The following DYM variants were observed in gnomAD, a reference collection of about 807,000 sequenced individuals.
DYM encodes dymeclin.
In DYM, 78 loss-of-function variants were observed where a neutral mutation model predicts 93.1. The ratio of observed to expected loss-of-function variants is 0.84; its 90% CI spans 0.70 to 1.01. The LOEUF is 1.01. Ranked by LOEUF, DYM falls within the 50% of genes least tolerant of loss-of-function variation. DYM has a pLI of 0.00. For missense variants in DYM, 789 were observed against 845.0 expected (o/e 0.93, Z 0.82); for synonymous variants, 321 against 319.7 (o/e 1.00, Z -0.04).
chr18:49,078,322 A>T (rs1380476542), intron 17 of DYM, among the ~76,000 whole-genome samples: 2 of 152,072 alleles, frequency 1.3e-5, no homozygotes, highest in South Asian at 2.1e-4. Flanking sequence ...TGCTTATTTC[A>T]CGTTGCATGC....
intron 17 of DYM, among the ~76,000 whole-genome samples, chr18:49,057,191 G>A (rs1341577368): frequency 2.6e-5 from 4 of 152,166 alleles, no homozygotes; most frequent in Non-Finnish European, 5.9e-5. Flanking sequence ...CTTATGAAGG[G>A]AGCAGTTTCA....
intron 5 of DYM, among the ~76,000 whole-genome samples, chr18:49,378,352 C>T (rs542218178): frequency 1.3e-5 from 2 of 152,232 alleles, no homozygotes; most frequent in Admixed American, 1.3e-4. Flanking sequence ...ACCCCACCAG[C>T]TTTCTTATTT....
intron 6 of DYM, among the ~76,000 whole-genome samples, chr18:49,355,218 C>T (rs537428708): frequency 6.6e-6 from 1 of 151,670 alleles, no homozygotes; most frequent in African/African-American, 2.4e-5. Context: ...GATCAATAAA[C>T]TTATAGATAC....
rs376966972 is a variant in DYM at position 49,328,742 on chromosome 18, C to G, written c.763+3122G>C. Among the ~76,000 whole-genome samples the G allele has an allele frequency of 1.6e-4, 24 of 152,306 alleles. 1 individual carries two copies. In the East Asian group the frequency reaches 3.9e-3, roughly 24 times the overall value. On this transcript the variant is annotated intron_variant, in intron 8 of 17. Coordinates refer to ENST00000675505, the MANE Select transcript of DYM (RefSeq NM_001353214.3). The stretch of plus-strand genomic sequence containing the variant: ...TCAAAACCACAATGAGATACCATCT[C>G]ATACCAGTTAGAATGGCAATCATTG...
chr18:49,145,130 T>TAC (rs2084963760), intron 15 of DYM, among the ~76,000 whole-genome samples: 1 of 114,738 alleles, frequency 8.7e-6, no homozygotes, highest in African/African-American at 3.6e-5. Flanking sequence ...TATATATATA[T>TAC]ATATAATTTA....
chr18:49,253,881 G>A lies in DYM; in HGVS notation c.1460+3129C>T, dbSNP rs562201990. Among the ~76,000 whole-genome samples, 4 of 151,840 alleles carry A rather than the reference G, an allele frequency of 2.6e-5. No individual in the cohort carries two copies. In the East Asian group the frequency reaches 7.7e-4, roughly 29 times the overall value. On this transcript the variant is annotated intron_variant, in intron 13 of 17. Transcript: ENST00000675505. Reference sequence around the variant, plus strand: ...ACCTTCTTTTCTCTCCATTCCTTTCGATTATTCTAAACTGTGAGTCCAACC... The same window carrying A: ...ACCTTCTTTTCTCTCCATTCCTTTCAATTATTCTAAACTGTGAGTCCAACC...
intron 15 of DYM, among the ~76,000 whole-genome samples, chr18:49,146,403 T>C (rs1186432305): frequency 2.0e-5 from 3 of 152,192 alleles, no homozygotes; most frequent in African/African-American, 7.2e-5. Flanking sequence ...GGAAGTCAAA[T>C]TGTCCCTGTT....
intron 8 of DYM, among the ~76,000 whole-genome samples, chr18:49,295,913 CTTATTTATTTAT>C (rs113289427): frequency 1.3e-5 from 2 of 151,244 alleles, no homozygotes; most frequent in Non-Finnish European, 2.9e-5. Context: ...CAAAACCGTT[CTTATTTATTTAT>C]TTATTTATTT....
At chr18:49,394,347 C>G (rs2069772434) in intron 2 of DYM, among the ~76,000 whole-genome samples, 1 of 151,986 alleles carries the variant, frequency 6.6e-6, no homozygotes, top group South Asian at 2.1e-4. Flanking sequence ...GTGCCTGGCA[C>G]AAAGTAAGTC....
Position 49,424,098 on chromosome 18 carries a change from C to A in DYM, c.140+6157G>T, listed in dbSNP as rs150319714. ...AGCCTGGCAGAGACACAACCAAAAA[C>A]GACAATTTTAGACCAATATCCCTGA... On this transcript the variant is annotated intron_variant, in intron 2 of 17. Coordinates refer to ENST00000675505, the MANE Select transcript of DYM (RefSeq NM_001353214.3). Among the ~76,000 whole-genome samples the A allele has an allele frequency of 2.0e-4, 31 of 151,874 alleles. No homozygotes were observed. The South Asian group carries it at 5.6e-3, about 27-fold the overall frequency.
At chr18:49,268,952 T>C (rs909509439) in intron 11 of DYM, among the ~76,000 whole-genome samples, 5 of 152,036 alleles carry the variant, frequency 3.3e-5, no homozygotes, top group African/African-American at 9.7e-5. Flanking sequence ...AATAAATTAA[T>C]GGGGCTATAT....
chr18:49,334,727 A>G (rs2063543000), intron 6 of DYM, among the ~76,000 whole-genome samples: 2 of 152,276 alleles, frequency 1.3e-5, no homozygotes, highest in African/African-American at 4.8e-5. Context: ...ATGAAAGCTC[A>G]TTAAACAAAT....
At chr18:49,375,442 C>T (rs76041243) in intron 5 of DYM, among the ~76,000 whole-genome samples, 13,785 of 151,880 alleles carry the variant, frequency 0.091, 829 homozygotes, top group East Asian at 0.31. Flanking sequence ...CTATCCCCTT[C>T]CCCCTATCCC....
chr18:49,251,786 A>C (rs1057147506), intron 13 of DYM, among the ~76,000 whole-genome samples: 6 of 152,056 alleles, frequency 3.9e-5, no homozygotes, highest in African/African-American at 1.4e-4. Context: ...GAGATCTCAA[A>C]CCCTGGCAGT....
intron 11 of DYM, among the ~76,000 whole-genome samples, chr18:49,263,314 T>G (rs2094518899): frequency 6.6e-6 from 1 of 151,450 alleles, no homozygotes; most frequent in Non-Finnish European, 1.5e-5. Flanking sequence ...AGATGGGGTT[T>G]CCCCATGTTC....
intron 13 of DYM, among the ~76,000 whole-genome samples, chr18:49,239,761 A>G (rs868141134): frequency 6.6e-6 from 1 of 152,364 alleles, no homozygotes; most frequent in Non-Finnish European, 1.5e-5. Flanking sequence ...CTACGATGGC[A>G]AACAAGAGAC....
intron 8 of DYM, among the ~76,000 whole-genome samples, chr18:49,326,157 A>T: frequency 6.6e-6 from 1 of 152,196 alleles, no homozygotes; most frequent in East Asian, 1.9e-4. Context: ...TTTTTTTTTA[A>T]GTATGCCAGG....
chr18:49,180,030 T>C (rs1322832926), intron 14 of DYM, among the ~76,000 whole-genome samples: 1 of 152,118 alleles, frequency 6.6e-6, no homozygotes, highest in Non-Finnish European at 1.5e-5. Flanking sequence ...TTTTGTATAA[T>C]AGATGTATTT....
At chr18:49,157,385 T>C (rs1430240292) in intron 15 of DYM, among the ~76,000 whole-genome samples, 2 of 152,160 alleles carry the variant, frequency 1.3e-5, no homozygotes, top group Non-Finnish European at 2.9e-5. Flanking sequence ...ATAACTGTAA[T>C]AGCTAACCTT....
Sources: gnomAD v4.1 joint callset for allele counts (sites outside exome capture counted in the v4.1 genomes callset) on GRCh38, gnomAD v4.1.1 for gene constraint, MANE v1.5 for transcripts, NCBI Gene and HGNC (gene_info 2026-07-23, HGNC 2026-07-21) for gene names.